TG: variants seen among roughly 807,000 people sequenced by gnomAD.
TG encodes the protein thyroid hormones.
TG carries 270 observed loss-of-function variants against 324.7 expected under a neutral mutation model. That is an observed-to-expected ratio of 0.83 (90% CI 0.75 to 0.92). TG has a LOEUF of 0.92. Ranked by LOEUF, TG falls within the 40% of genes least tolerant of loss-of-function variation. The pLI, the probability that TG is intolerant of heterozygous loss-of-function variation, is 0.00. For missense variants in TG, 3,591 were observed against 3,456.4 expected (o/e 1.04, Z -0.98); for synonymous variants, 1,401 against 1,327.0 (o/e 1.06, Z -1.21).
chr8:132,989,114 A>G (rs1831985968), intron 35 of TG, among the ~76,000 whole-genome samples: 1 of 152,210 alleles, frequency 6.6e-6, no homozygotes, highest in African/African-American at 2.4e-5. Flanking sequence ...AAGCCGTCAG[A>G]TGTCCTGAGA....
chr8:133,074,296 C>A (rs1010983815), intron 41 of TG, among the ~76,000 whole-genome samples: 1 of 152,142 alleles, frequency 6.6e-6, no homozygotes, highest in Non-Finnish European at 1.5e-5. Flanking sequence ...CTCCAAGTAG[C>A]GCTATTGCAA....
chr8:133,125,779 A>G (rs1469185957), intron 45 of TG, among the ~76,000 whole-genome samples: 1 of 152,166 alleles, frequency 6.6e-6, no homozygotes, highest in East Asian at 1.9e-4. Flanking sequence ...AGCCTGTTGA[A>G]GAGGAGGGGA....
At chr8:133,002,785 C>T (rs2130841166) in intron 35 of TG, 1 of 237,848 alleles carries the variant, frequency 4.2e-6, no homozygotes, top group Non-Finnish European at 8.1e-6. Context: ...TCTTGACTCC[C>T]AGAGTGCTTA....
chr8:133,121,151 T>A (rs1280601563), intron 45 of TG, among the ~76,000 whole-genome samples: 3 of 152,174 alleles, frequency 2.0e-5, no homozygotes, highest in Non-Finnish European at 4.4e-5. Context: ...GAAGACTTAG[T>A]AGGTGCTCAG....
At chr8:133,094,914 C>T in intron 41 of TG, 130 bp from the exon 42 acceptor site, 2 of 1,251,424 alleles carry the variant, frequency 1.6e-6, no homozygotes, top group Non-Finnish European at 2.3e-6. Flanking sequence ...GTGTGCAGCC[C>T]CAGAATGGGT....
At chr8:133,042,678 C>CCTTTTTTTTTTTTTTTTTTTTTTTTTTTT (rs1554706932) in intron 41 of TG, among the ~76,000 whole-genome samples, 1 of 56,732 alleles carries the variant, frequency 1.8e-5, no homozygotes, top group Non-Finnish European at 3.2e-5. Flanking sequence ...CATTCTGTGT[C>CCTTTTTTTTTTTTTTTTTTTTTTTTTTTT]TTTTTTTTTT....
intron 41 of TG, among the ~76,000 whole-genome samples, chr8:133,076,996 G>A (rs1203988721): frequency 1.3e-5 from 2 of 152,100 alleles, no homozygotes; most frequent in Admixed American, 6.6e-5. Flanking sequence ...CAATTATGGC[G>A]ACCCATCAAA....
chr8:133,057,416 A>C (rs1841646572), intron 41 of TG, among the ~76,000 whole-genome samples: 1 of 152,248 alleles, frequency 6.6e-6, no homozygotes, highest in Non-Finnish European at 1.5e-5. Flanking sequence ...CAGAACTACC[A>C]GTTTCACCAC....
intron 35 of TG, among the ~76,000 whole-genome samples, chr8:132,987,738 G>A (rs550882420): frequency 7.3e-5 from 11 of 151,450 alleles, no homozygotes; most frequent in Middle Eastern, 3.4e-3. Flanking sequence ...GTGTGTGTGC[G>A]TGTGTGTGTG....
intron 41 of TG, chr8:133,039,953 GCACA>G (rs3835182): frequency 3.5e-4 from 497 of 1,429,864 alleles, no homozygotes; most frequent in African/African-American, 4.7e-4. Flanking sequence ...GCACTTGCAT[GCACA>G]CACACACACA....
chr8:133,048,492 AT>A (rs1213519993), intron 41 of TG: 1 of 155,946 alleles, frequency 6.4e-6, no homozygotes, highest in Non-Finnish European at 1.4e-5. Context: ...AAGTGCTGGG[AT>A]TACAGGCGTG....
intron 41 of TG, among the ~76,000 whole-genome samples, chr8:133,093,659 C>T (rs1847939890): frequency 6.6e-6 from 1 of 152,228 alleles, no homozygotes; most frequent in African/African-American, 2.4e-5. Flanking sequence ...GAGATTCTGA[C>T]TGGCCTTGCC....
At chr8:132,983,255 T>A in intron 34 of TG, 95 bp from the exon 35 acceptor site, 1 of 1,398,888 alleles carries the variant, frequency 7.1e-7, no homozygotes, top group East Asian at 2.3e-5. Context: ...AAGTCCAATT[T>A]TACAATCACC....
intron 41 of TG, chr8:133,073,362 C>A (rs569155346): frequency 1.2e-4 from 19 of 152,138 alleles, no homozygotes; most frequent in South Asian, 1.0e-3. Flanking sequence ...AATTCTTCTT[C>A]TTATTTTTTT....
chr8:132,995,561 C>T (rs771860745), intron 35 of TG: 3 of 982,010 alleles, frequency 3.1e-6, no homozygotes, highest in Non-Finnish European at 3.6e-6. Context: ...GAATTTCTAT[C>T]GTTTTGCCCA....
At chr8:132,922,201 G>A (rs1821202231) in intron 21 of TG, among the ~76,000 whole-genome samples, 1 of 152,218 alleles carries the variant, frequency 6.6e-6, no homozygotes, top group Admixed American at 6.5e-5. Context: ...TACTGTTATA[G>A]CAGCTTGTGA....
chr8:132,973,506 T>A (rs998261446), intron 34 of TG, among the ~76,000 whole-genome samples: 1 of 150,054 alleles, frequency 6.7e-6, no homozygotes, highest in African/African-American at 2.5e-5. Flanking sequence ...GCTCCTGGAC[T>A]CAGATAAGGA....
chr8:132,887,898 G>A, intron 9 of TG, 86 bp from the exon 10 acceptor site: 1 of 1,267,276 alleles, frequency 7.9e-7, no homozygotes, highest in Non-Finnish European at 1.1e-6. Context: ...TTTAGACGGA[G>A]TTTGGACAGT....
intron 40 of TG, among the ~76,000 whole-genome samples, chr8:133,024,321 T>C (rs998561737): frequency 8.2e-5 from 5 of 61,010 alleles, no homozygotes; most frequent in Non-Finnish European, 1.4e-4. Context: ...TTTCTTTCTT[T>C]CTTTCTTTCT....
Sources: gnomAD v4.1 joint callset for allele counts (sites outside exome capture counted in the v4.1 genomes callset) on GRCh38, gnomAD v4.1.1 for gene constraint, MANE v1.5 for transcripts, NCBI Gene and HGNC (gene_info 2026-07-23, HGNC 2026-07-21) for gene names.